DNASE1: variants seen among roughly 807,000 people sequenced by gnomAD.
The protein encoded by DNASE1 is deoxyribonuclease-1.
In DNASE1, 40 loss-of-function variants were observed where a neutral mutation model predicts 33.9. That is an observed-to-expected ratio of 1.18 (90% CI 0.92 to 1.54). The LOEUF (loss-of-function observed/expected upper bound fraction) is 1.54. DNASE1 is among the 40% of genes most tolerant of loss of function. The probability of loss-of-function intolerance (pLI) is 0.00; values close to 1 mark genes in which losing one functional copy is unlikely to be tolerated. For missense variants in DNASE1, 518 were observed against 372.6 expected, an observed-to-expected ratio of 1.39 and a Z score of -3.21; for synonymous variants, 216 against 160.0, an observed-to-expected ratio of 1.35 and a Z score of -2.64.
At chr16:3,653,826 A>AAAAAAAAAAAAACAAAAC (rs2042428566), upstream of DNASE1, 1 of 144,908 alleles carries the variant, frequency 6.9e-6, no homozygotes, top group African/African-American at 2.6e-5. Flanking sequence ...AAAAAAAAAA[A>AAAAAAAAAAAAACAAAAC]AAAAAAAAAA....
At chr16:3,638,776 A>T (rs2041950251), upstream of DNASE1, among the ~76,000 whole-genome samples, 1 of 152,194 alleles carries the variant, frequency 6.6e-6, no homozygotes, top group African/African-American at 2.4e-5. Flanking sequence ...TGCACATTAG[A>T]CAGCTTGATA....
At position 3,658,060 on chromosome 16, in the gene DNASE1, T is replaced by C; in HGVS notation, c.*107T>C. On this transcript the variant is annotated 3_prime_UTR_variant, in exon 9 of 9. Coordinates refer to ENST00000246949, the MANE Select transcript of DNASE1 (RefSeq NM_005223.4). The stretch of plus-strand genomic sequence containing the variant: ...ACTCGGGTTAAGAAATACCTTTAAA[T>C]TTAGGTAAATAAAGCTCAAGGAGGT... 2 of 1,608,148 alleles carry C rather than the reference T, an allele frequency of 1.2e-6. No homozygotes were observed. Among genetic ancestry groups the C allele is most frequent in the Middle Eastern group, 1.7e-4 (1 of 6,060 alleles).
Position 3,664,384 on chromosome 16 carries a change from C to A in DNASE1, c.*6431C>A, listed in dbSNP as rs368889500. The A allele has an allele frequency of 4.6e-5, 74 of 1,611,898 alleles. No homozygotes were observed. The highest frequency in any genetic ancestry group is 5.8e-5 in the Non-Finnish European group (68 of 1,179,360). On this transcript the variant is annotated 3_prime_UTR_variant, in exon 10 of 10. Coordinates refer to the DNASE1 transcript ENST00000407479. ...CGGGTGCCGGCCCGCATGCGGCTGG[C>A]GTATTCTGAGAGGCTGGTTAGCTGC...
chr16:3,655,211 C>G (rs1431572771), intron 1 of DNASE1, among the ~76,000 whole-genome samples, 162 bp from the exon 2 acceptor site: 1 of 152,174 alleles, frequency 6.6e-6, no homozygotes, highest in African/African-American at 2.4e-5. Context: ...GTGGTGCCAG[C>G]TGTTTGGCTT....
At chr16:3,646,942 A>G (rs80263403) in intron 1 of DNASE1, among the ~76,000 whole-genome samples, 8,521 of 152,076 alleles carry the variant, frequency 0.056, 258 homozygotes, top group Admixed American at 0.069. Context: ...GGCCAAGGAA[A>G]TAATCTGGGG....
At chr16:3,642,291 C>T (rs1401608909), upstream of DNASE1, among the ~76,000 whole-genome samples, 1 of 152,246 alleles carries the variant, frequency 6.6e-6, no homozygotes, top group Non-Finnish European at 1.5e-5. Context: ...GCCATGCCCT[C>T]CCATTAGGAG....
At chr16:3,662,260 C>G (rs1267415828), downstream of DNASE1, 1 of 1,125,860 alleles carries the variant, frequency 8.9e-7, no homozygotes, top group East Asian at 2.6e-5. Context: ...CTCCCCTGGA[C>G]CAGCGCTGCT....
chr16:3,630,945 T>G (rs2041677051), intron 1 of DNASE1, among the ~76,000 whole-genome samples: 2 of 152,152 alleles, frequency 1.3e-5, no homozygotes, highest in Admixed American at 6.6e-5. Context: ...TTGGAGAGTT[T>G]AATCAATTTA....
chr16:3,664,314 T>TGCTC, exon 10 of DNASE1: 1 of 1,611,184 alleles, frequency 6.2e-7, no homozygotes, highest in Non-Finnish European at 8.5e-7. Context: ...GTAGGGTGAG[T>TGCTC]GCTCTGCCAG....
At chr16:3,648,565 G>T (rs2042240793) in intron 1 of DNASE1, among the ~76,000 whole-genome samples, 1 of 152,162 alleles carries the variant, frequency 6.6e-6, no homozygotes, top group East Asian at 1.9e-4. Flanking sequence ...CTGCAGTGCA[G>T]AGCCAAGATC....
chr16:3,623,096 C>G (rs1372965539), intron 1 of DNASE1, among the ~76,000 whole-genome samples: 3 of 152,158 alleles, frequency 2.0e-5, no homozygotes, highest in South Asian at 2.1e-4. Context: ...GTGGTCCTAG[C>G]TACTCATGCA....
intron 1 of DNASE1, among the ~76,000 whole-genome samples, chr16:3,622,290 C>G (rs1596561756): frequency 1.3e-5 from 2 of 150,910 alleles, no homozygotes; most frequent in African/African-American, 2.4e-5. Context: ...CTCATATCCA[C>G]ACACTCACAG....
downstream of DNASE1, chr16:3,660,727 A>G (rs760927218): frequency 9.2e-5 from 14 of 152,156 alleles, no homozygotes; most frequent in Non-Finnish European, 1.6e-4. Flanking sequence ...ATGGTTGTAA[A>G]ATGACAAAAG....
downstream of DNASE1, chr16:3,658,991 G>T: frequency 1.1e-6 from 1 of 878,164 alleles, no homozygotes; most frequent in South Asian, 1.7e-5. Context: ...TTTAAATAAG[G>T]TATGTTAATG....
intron 1 of DNASE1, among the ~76,000 whole-genome samples, chr16:3,628,090 C>G (rs1232165285): frequency 6.6e-6 from 1 of 151,926 alleles, no homozygotes; most frequent in African/African-American, 2.4e-5. Flanking sequence ...GATGTTTTTC[C>G]TTACTTATAT....
chr16:3,661,990 G>C, downstream of DNASE1: 7 of 1,605,422 alleles, frequency 4.4e-6, no homozygotes, highest in Non-Finnish European at 6.0e-6. Context: ...GCCTCACCTG[G>C]GGTTGATCTC....
chr16:3,643,327 C>T (rs1051662852), intron 1 of DNASE1, among the ~76,000 whole-genome samples: 2 of 152,250 alleles, frequency 1.3e-5, no homozygotes, highest in African/African-American at 2.4e-5. Flanking sequence ...CAGAAAGTGG[C>T]TGAAAAGCAG....
chr16:3,640,900 C>T, upstream of DNASE1: 2 of 398,670 alleles, frequency 5.0e-6, no homozygotes, highest in Non-Finnish European at 8.8e-6. Context: ...GAGCCCGTCA[C>T]CCATGAGCTC....
At chr16:3,647,370 C>G (rs972132063) in intron 1 of DNASE1, among the ~76,000 whole-genome samples, 4 of 151,244 alleles carry the variant, frequency 2.6e-5, no homozygotes, top group Non-Finnish European at 5.9e-5. Context: ...ACCTTCCAGG[C>G]TCACACAATC....
Sources: allele counts gnomAD v4.1 joint callset (sites outside exome capture counted in the v4.1 genomes callset), GRCh38; gene constraint gnomAD v4.1.1; transcripts MANE v1.5; gene names NCBI Gene and HGNC (gene_info 2026-07-23, HGNC 2026-07-21).